SCHIP1: variants seen among roughly 807,000 people sequenced by gnomAD.
SCHIP1 encodes the protein schwannomin-interacting protein 1.
In SCHIP1, 8 loss-of-function variants were observed where a neutral mutation model predicts 29.7. The ratio of observed to expected loss-of-function variants is 0.27; its 90% CI spans 0.16 to 0.49. The LOEUF is 0.49. Ranked by LOEUF, SCHIP1 falls within the 20% of genes least tolerant of loss-of-function variation. SCHIP1 has a pLI of 0.99. For synonymous variants in SCHIP1, 76 were observed against 94.9 expected (o/e 0.80, Z 1.16); for missense variants, 193 against 294.6 (o/e 0.66, Z 2.52).
the SCHIP1 span, among the ~76,000 whole-genome samples, chr3:159,711,150 T>G: frequency 6.6e-6 from 1 of 151,794 alleles, no homozygotes; most frequent in Non-Finnish European, 1.5e-5. Context: ...TGACTTTTAT[T>G]AGGGGACATT....
upstream of SCHIP1, among the ~76,000 whole-genome samples, chr3:159,837,450 C>T (rs370077522): frequency 4.9e-4 from 74 of 152,276 alleles, no homozygotes; most frequent in East Asian, 7.5e-3. Context: ...TGGCTGGACA[C>T]GGTGGCTCAG....
the SCHIP1 span, among the ~76,000 whole-genome samples, chr3:159,698,736 T>C: frequency 1.2e-3 from 188 of 152,260 alleles, no homozygotes; most frequent in African/African-American, 4.5e-3. Flanking sequence ...CCTCCTGGGT[T>C]CAAGCAATTC....
the SCHIP1 span, among the ~76,000 whole-genome samples, chr3:159,820,334 A>G: frequency 6.6e-6 from 1 of 152,218 alleles, no homozygotes; most frequent in Non-Finnish European, 1.5e-5. Context: ...AATCAAAATA[A>G]GTATTAGGAA....
At chr3:159,474,370 G>A in the SCHIP1 span, among the ~76,000 whole-genome samples, 1 of 152,060 alleles carries the variant, frequency 6.6e-6, no homozygotes, top group Non-Finnish European at 1.5e-5. Context: ...TGTTCCTGTT[G>A]GTCTTTGTTC....
At chr3:159,738,261 AAAAT>A in the SCHIP1 span, among the ~76,000 whole-genome samples, 1 of 152,058 alleles carries the variant, frequency 6.6e-6, no homozygotes, top group African/African-American at 2.4e-5. Context: ...ACAAAAAAAA[AAAAT>A]AAAGAAATGC....
the SCHIP1 span, among the ~76,000 whole-genome samples, chr3:159,439,587 A>AT: frequency 6.6e-6 from 1 of 152,006 alleles, no homozygotes; most frequent in Non-Finnish European, 1.5e-5. Context: ...AAGCCTAACC[A>AT]TATCAGTATC....
the SCHIP1 span, chr3:159,401,178 A>G: frequency 3.0e-4 from 289 of 977,048 alleles, no homozygotes; most frequent in Non-Finnish European, 3.3e-4. Context: ...TCCATACCCA[A>G]TAATATTACA....
At chr3:159,833,423 C>T in the SCHIP1 span, among the ~76,000 whole-genome samples, 1 of 152,186 alleles carries the variant, frequency 6.6e-6, no homozygotes, top group African/African-American at 2.4e-5. Context: ...TTATGCCTCC[C>T]CGACTTTTAC....
At chr3:159,300,238 A>G in the SCHIP1 span, among the ~76,000 whole-genome samples, 2 of 147,830 alleles carry the variant, frequency 1.4e-5, no homozygotes, top group Non-Finnish European at 3.0e-5. Flanking sequence ...GAATCCTCCT[A>G]TCTTAGTCTA....
chr3:159,366,541 T>G, the SCHIP1 span, among the ~76,000 whole-genome samples: 1 of 151,928 alleles, frequency 6.6e-6, no homozygotes, highest in Non-Finnish European at 1.5e-5. Context: ...TAAAAATTAG[T>G]TAATAATATC....
intron 1 of SCHIP1, chr3:159,853,233 G>A (rs1231090270): frequency 3.9e-6 from 2 of 507,236 alleles, no homozygotes; most frequent in Non-Finnish European, 7.0e-6. Context: ...GACAGAGTGG[G>A]GCAAGAACAC....
At chr3:159,298,451 A>G in the SCHIP1 span, among the ~76,000 whole-genome samples, 2 of 152,344 alleles carry the variant, frequency 1.3e-5, no homozygotes, top group East Asian at 3.9e-4. Context: ...TACTACACAC[A>G]ATTCAGCACA....
At chr3:159,311,858 G>A in the SCHIP1 span, among the ~76,000 whole-genome samples, 4 of 152,052 alleles carry the variant, frequency 2.6e-5, no homozygotes, top group Non-Finnish European at 4.4e-5. Context: ...AGATAAGGTG[G>A]CTTATAGTTA....
At chr3:159,505,303 C>T in the SCHIP1 span, among the ~76,000 whole-genome samples, 4 of 152,102 alleles carry the variant, frequency 2.6e-5, no homozygotes, top group African/African-American at 7.2e-5. Flanking sequence ...CAATGCAATC[C>T]AATGGAAATC....
upstream of SCHIP1, among the ~76,000 whole-genome samples, chr3:159,839,266 A>T (rs13078322): frequency 0.12 from 18,548 of 150,762 alleles, 1,410 homozygotes; most frequent in Middle Eastern, 0.29. Context: ...GTTGGGTAAT[A>T]ATATATGTAC....
chr3:159,760,101 C>T, the SCHIP1 span, among the ~76,000 whole-genome samples: 1,269 of 151,778 alleles, frequency 8.4e-3, 13 homozygotes, highest in Non-Finnish European at 0.013. Context: ...GGGGGATATA[C>T]AGCACATAGT....
the SCHIP1 span, among the ~76,000 whole-genome samples, chr3:159,457,561 T>C: frequency 1.3e-5 from 2 of 152,162 alleles, no homozygotes; most frequent in Non-Finnish European, 2.9e-5. Context: ...TGTTTAGTTT[T>C]ATTAATATCT....
intron 1 of SCHIP1, 111 bp from the exon 3 acceptor site, chr3:159,866,052 A>G (rs1397642765): frequency 3.3e-6 from 3 of 897,248 alleles, no homozygotes; most frequent in Non-Finnish European, 3.5e-6. Context: ...CAGCCTATTT[A>G]TTTGTTTTTC....
the SCHIP1 span, among the ~76,000 whole-genome samples, chr3:159,683,994 T>C: frequency 6.6e-6 from 1 of 152,212 alleles, no homozygotes; most frequent in Admixed American, 6.5e-5. Context: ...CTTAAAAATC[T>C]TGCTGGCCAG....
Sources: allele counts gnomAD v4.1 joint callset (sites outside exome capture counted in the v4.1 genomes callset), GRCh38; gene constraint gnomAD v4.1.1; transcripts MANE v1.5; gene names NCBI Gene and HGNC (gene_info 2026-07-23, HGNC 2026-07-21).